The following KCNJ6 variants were observed in gnomAD, a reference collection of about 807,000 sequenced individuals.
KCNJ6 encodes the protein potassium inwardly rectifying channel subfamily J member 6.
A neutral mutation model predicts 34.2 loss-of-function variants in KCNJ6; 9 were observed. The ratio of observed to expected loss-of-function variants is 0.26; its 90% CI spans 0.16 to 0.46. The LOEUF (loss-of-function observed/expected upper bound fraction) is 0.46. KCNJ6 is among the 20% of genes least tolerant of loss of function. The probability of loss-of-function intolerance (pLI) is 1.00; values close to 1 mark genes in which losing one functional copy is unlikely to be tolerated. For synonymous variants in KCNJ6, 196 were observed against 207.1 expected (o/e 0.95, Z 0.46); for missense variants, 236 against 531.3 (o/e 0.44, Z 5.46).
intron 1 of KCNJ6, among the ~76,000 whole-genome samples, chr21:37,898,558 G>A (rs1329174433): frequency 6.6e-6 from 1 of 150,388 alleles, no homozygotes; most frequent in East Asian, 1.9e-4. Flanking sequence ...CTCCAGCCTG[G>A]CTGACAGAGC....
intron 2 of KCNJ6, among the ~76,000 whole-genome samples, chr21:37,793,597 G>C (rs1437383347): frequency 6.6e-6 from 1 of 150,532 alleles, no homozygotes; most frequent in African/African-American, 2.4e-5. Flanking sequence ...AGCCTCTAAG[G>C]CTCCCTAAAT....
chr21:37,732,706 G>A (rs1275789295), intron 2 of KCNJ6, among the ~76,000 whole-genome samples: 1 of 152,144 alleles, frequency 6.6e-6, no homozygotes, highest in Non-Finnish European at 1.5e-5. Context: ...TTAGACAGAT[G>A]TTCCAACCCA....
intron 1 of KCNJ6, among the ~76,000 whole-genome samples, chr21:37,906,049 TTTTATTTAAAGGATAATAAA>T (rs2055840013): frequency 6.6e-6 from 1 of 152,244 alleles, no homozygotes; most frequent in South Asian, 2.1e-4. Context: ...TGATAGCATC[TTTTATTTAAAGGATAATAAA>T]TGAGACTATT....
chr21:37,914,080 CT>C (rs566613752), intron 1 of KCNJ6, among the ~76,000 whole-genome samples: 126 of 151,374 alleles, frequency 8.3e-4, no homozygotes, highest in African/African-American at 1.9e-3. Context: ...TTTTCTCCCC[CT>C]GAGGACAGAA....
In KCNJ6 at chr21:37,613,107, C is replaced by T. The variant is rs1431521343; in HGVS notation, c.*12052G>A. On this transcript the variant is annotated 3_prime_UTR_variant, in exon 4 of 4. Transcript: ENST00000609713. ...ACAAATCAACAATAAGAAAACAACC[C>T]GATTTAAAAAAATGCCCAAAAGACC... 2 of 134,864 alleles carry T rather than the reference C, an allele frequency of 1.5e-5. No individual in the cohort carries two copies. The highest frequency in any genetic ancestry group is 2.7e-5 in the African/African-American group (1 of 36,416). 8.4% of individuals were successfully genotyped at this position (134,864 alleles called of 1,614,324 possible). A position where few individuals can be genotyped will look rare whatever the true frequency, so the allele number is the denominator to read the frequency against.
chr21:37,670,132 T>C (rs140784353), intron 3 of KCNJ6, among the ~76,000 whole-genome samples: 188 of 152,350 alleles, frequency 1.2e-3, no homozygotes, highest in African/African-American at 4.2e-3. Context: ...TTCTTTCCCA[T>C]TAAATGATCT....
chr21:37,614,438 C>CTGTGTGTATGCATGTGTCTGTGCGTG lies in KCNJ6; in HGVS notation c.*10720_*10721insCACGCACAGACACATGCATACACACA, dbSNP rs2054254439. The CTGTGTGTATGCATGTGTCTGTGCGTG allele has an allele frequency of 8.5e-6, 1 of 117,102 alleles. No individual in the cohort carries two copies. The highest frequency in any genetic ancestry group is 3.9e-5 in the African/African-American group (1 of 25,942). 7.3% of individuals were successfully genotyped at this position (117,102 alleles called of 1,614,324 possible). ...TGTCTGTGTGAGTATGCGTGTATCT[C>CTGTGTGTATGCATGTGTCTGTGCGTG]TGTGTGTATGCATGTGTCTGTGTCT... On this transcript the variant is annotated 3_prime_UTR_variant, in exon 4 of 4. Coordinates refer to ENST00000609713, the MANE Select transcript of KCNJ6 (RefSeq NM_002240.5).
chr21:37,765,353 C>T (rs548230688), intron 2 of KCNJ6, among the ~76,000 whole-genome samples: 3 of 152,282 alleles, frequency 2.0e-5, no homozygotes, highest in East Asian at 3.9e-4. Context: ...TGTCGATGAT[C>T]AAGATCAGTG....
chr21:37,656,560 C>T (rs1374804067), intron 3 of KCNJ6, among the ~76,000 whole-genome samples: 1 of 152,216 alleles, frequency 6.6e-6, no homozygotes, highest in East Asian at 1.9e-4. Context: ...CGCTCCTCTC[C>T]CAGCCTCCCC....
chr21:37,733,831 T>A (rs1030619875), intron 2 of KCNJ6, among the ~76,000 whole-genome samples: 24 of 152,322 alleles, frequency 1.6e-4, no homozygotes, highest in Middle Eastern at 3.4e-3. Context: ...TCCCCAGGTT[T>A]CAGAGAAGAA....
rs79966462 is a variant in KCNJ6, at chr21:37,658,299, G to A, written c.947-32815C>T. Among the ~76,000 whole-genome samples the A allele has an allele frequency of 7.2e-3, 1,104 of 152,350 alleles. 11 individuals carry two copies. The highest frequency in any genetic ancestry group is 0.011 in the Non-Finnish European group (753 of 68,034). On this transcript the variant is annotated intron_variant, in intron 3 of 3. Transcript: ENST00000609713. ...TCCCTGAAGACGAGCATGACATTGC[G>A]ATTTAGCTTGGATGAGAAAACTGAG...
chr21:37,878,290 C>CT (rs1408453995), intron 1 of KCNJ6, among the ~76,000 whole-genome samples: 1 of 151,560 alleles, frequency 6.6e-6, no homozygotes, highest in East Asian at 1.9e-4. Context: ...GAATTACCTT[C>CT]TTTAGAGAGG....
chr21:37,799,833 T>C (rs575346832), intron 2 of KCNJ6, among the ~76,000 whole-genome samples: 14 of 152,340 alleles, frequency 9.2e-5, no homozygotes, highest in South Asian at 8.3e-4. Flanking sequence ...GAGAGAGCAC[T>C]GTTACAATAG....
intron 1 of KCNJ6, among the ~76,000 whole-genome samples, chr21:37,866,437 A>C (rs1381846047): frequency 3.9e-5 from 6 of 152,176 alleles, no homozygotes; most frequent in Non-Finnish European, 1.5e-5. Flanking sequence ...GAAGGAGGAA[A>C]TTGGTCCTTG....
At position 37,810,047 on chromosome 21, in the gene KCNJ6, A is replaced by G. The variant is rs185511214; in HGVS notation, c.25+30611T>C. Among the ~76,000 whole-genome samples, 498 of 152,354 alleles carry G rather than the reference A, an allele frequency of 3.3e-3. 3 individuals carry two copies. The highest frequency in any genetic ancestry group is 5.5e-3 in the Non-Finnish European group (377 of 68,042). On this transcript the variant is annotated intron_variant, in intron 2 of 3. Transcript: ENST00000609713. ...GCAGCATAGCCTATCCTACCTAACT[A>G]GTAAAATATCTTACCACCAGAAATA...
intron 2 of KCNJ6, among the ~76,000 whole-genome samples, chr21:37,728,573 C>T (rs942673526): frequency 1.2e-4 from 18 of 152,196 alleles, no homozygotes; most frequent in Middle Eastern, 3.4e-3. Context: ...CAAAGAGCTA[C>T]GATGCTATAG....
intron 2 of KCNJ6, among the ~76,000 whole-genome samples, chr21:37,807,029 A>C (rs2065210145): frequency 6.6e-6 from 1 of 152,170 alleles, no homozygotes; most frequent in African/African-American, 2.4e-5. Flanking sequence ...TTATTTTAAA[A>C]ATTTTGTAAC....
At chr21:37,868,681 C>T (rs958382019) in intron 1 of KCNJ6, among the ~76,000 whole-genome samples, 1 of 152,176 alleles carries the variant, frequency 6.6e-6, no homozygotes, top group African/African-American at 2.4e-5. Context: ...CCTCAGAACC[C>T]TGGAAATGTA....
intron 2 of KCNJ6, among the ~76,000 whole-genome samples, chr21:37,787,205 A>G (rs1013832060): frequency 6.6e-6 from 1 of 152,246 alleles, no homozygotes; most frequent in African/African-American, 2.4e-5. Context: ...CTAATTTGAC[A>G]TCTCACATAG....
Sources: gnomAD v4.1 joint callset for allele counts (sites outside exome capture counted in the v4.1 genomes callset) on GRCh38, gnomAD v4.1.1 for gene constraint, MANE v1.5 for transcripts, NCBI Gene and HGNC (gene_info 2026-07-23, HGNC 2026-07-21) for gene names.